STX5: variants seen among roughly 807,000 people sequenced by gnomAD.
STX5 encodes syntaxin 5.
STX5 carries 15 observed loss-of-function variants against 42.9 expected under a neutral mutation model. The ratio of observed to expected loss-of-function variants is 0.35; its 90% CI spans 0.23 to 0.54. The LOEUF (loss-of-function observed/expected upper bound fraction) is 0.54, where lower values mean the gene tolerates loss of function less well. Among genes scored for constraint, STX5 ranks in the 20% least tolerant of loss-of-function variants. The pLI, the probability that STX5 is intolerant of heterozygous loss-of-function variation, is 0.91. For missense variants in STX5, 430 were observed against 455.0 expected (o/e 0.95, Z 0.50); for synonymous variants, 184 against 173.2 (o/e 1.06, Z -0.49).
intron 10 of STX5, among the ~76,000 whole-genome samples, chr11:62,813,802 C>T (rs948385887): frequency 6.6e-5 from 10 of 152,112 alleles, no homozygotes; most frequent in East Asian, 1.9e-4. Context: ...AGATAAATGC[C>T]GCTCCACCCC....
chr11:62,827,525 C>G (rs1045988318), intron 3 of STX5, 36 bp downstream of exon 3: 1 of 1,614,016 alleles, frequency 6.2e-7, no homozygotes, highest in African/African-American at 1.3e-5. Flanking sequence ...TCTTCAGACA[C>G]TGTATCACCC....
chr11:62,810,688 C>T (rs2084608266), intron 10 of STX5, among the ~76,000 whole-genome samples: 1 of 152,134 alleles, frequency 6.6e-6, no homozygotes, highest in Non-Finnish European at 1.5e-5. Context: ...TAGGTTGGGG[C>T]CCAAGAATCT....
At chr11:62,820,906 T>G (rs1241274789) in intron 10 of STX5, among the ~76,000 whole-genome samples, 1 of 152,232 alleles carries the variant, frequency 6.6e-6, no homozygotes, top group Non-Finnish European at 1.5e-5. Flanking sequence ...TTCAATTTGG[T>G]TGCTGCTCTT....
At chr11:62,831,677 G>T (rs1229927048) in intron 1 of STX5, among the ~76,000 whole-genome samples, 1 of 152,086 alleles carries the variant, frequency 6.6e-6, no homozygotes, top group Non-Finnish European at 1.5e-5. Flanking sequence ...GTGGGCGGAG[G>T]GGGAAAACCT....
At chr11:62,817,385 T>C (rs2084685240) in intron 10 of STX5, among the ~76,000 whole-genome samples, 1 of 152,178 alleles carries the variant, frequency 6.6e-6, no homozygotes, top group Non-Finnish European at 1.5e-5. Context: ...CCTCCTATTA[T>C]ACCAATCATT....
chr11:62,821,459 T>A (rs1159330771), intron 10 of STX5, among the ~76,000 whole-genome samples: 1 of 152,162 alleles, frequency 6.6e-6, no homozygotes, highest in African/African-American at 2.4e-5. Flanking sequence ...GCGCAGTGGC[T>A]CACATCTGTA....
At chr11:62,809,601 G>A (rs965985186) in intron 10 of STX5, among the ~76,000 whole-genome samples, 3 of 143,992 alleles carry the variant, frequency 2.1e-5, no homozygotes, top group African/African-American at 7.7e-5. Context: ...GTGAACCTGG[G>A]AGGCAGAGCT....
At chr11:62,831,849 G>C (rs1043263209) in intron 1 of STX5, 105 bp downstream of exon 1, 1 of 453,870 alleles carries the variant, frequency 2.2e-6, no homozygotes, top group Non-Finnish European at 4.4e-6. Context: ...GGCAGGACTT[G>C]CCCGCTCGCC....
chr11:62,813,818 T>C (rs1590964263), intron 10 of STX5, among the ~76,000 whole-genome samples: 2 of 152,178 alleles, frequency 1.3e-5, no homozygotes, highest in African/African-American at 2.4e-5. Flanking sequence ...ACCCCGAGCA[T>C]TGCTACAATA....
At chr11:62,808,311 A>C (rs143645326) in intron 10 of STX5, among the ~76,000 whole-genome samples, 2,807 of 152,166 alleles carry the variant, frequency 0.018, 36 homozygotes, top group Non-Finnish European at 0.028. Context: ...CTACAGTCCC[A>C]GCTACTCGGG....
intron 5 of STX5, among the ~76,000 whole-genome samples, chr11:62,826,619 T>C (rs1294978822): frequency 6.6e-6 from 1 of 151,776 alleles, no homozygotes; most frequent in East Asian, 1.9e-4. Context: ...TCGAGTGCAG[T>C]GGCTCACACC....
rs778249365 is a variant in STX5 at position 62,807,465 on chromosome 11, G to A, written c.*4C>T. On this transcript the variant is annotated 3_prime_UTR_variant, in exon 11 of 11. Coordinates refer to ENST00000294179, the MANE Select transcript of STX5 (RefSeq NM_003164.5). Reference sequence around the variant, plus strand: ...CCAACAGAGTGCCTCAGAGTAGAGAGGGTTCAAGCAAGGAAGACCACAAAG... The same window carrying A: ...CCAACAGAGTGCCTCAGAGTAGAGAAGGTTCAAGCAAGGAAGACCACAAAG... The A allele has an allele frequency of 1.8e-5, 29 of 1,613,292 alleles. No homozygotes were observed. Among genetic ancestry groups the A allele is most frequent in the Admixed American group, 5.0e-5 (3 of 59,954 alleles).
chr11:62,829,685 G>A (rs1383614544), intron 2 of STX5, among the ~76,000 whole-genome samples: 1 of 151,920 alleles, frequency 6.6e-6, no homozygotes, highest in Admixed American at 6.6e-5. Context: ...GGTTGCTTGA[G>A]CCCAGGAGGT....
intron 10 of STX5, among the ~76,000 whole-genome samples, chr11:62,815,761 T>G (rs1462568877): frequency 1.3e-5 from 2 of 152,122 alleles, no homozygotes; most frequent in Non-Finnish European, 2.9e-5. Context: ...GGTCTCAAAC[T>G]CCTGACCTCA....
rs1028670557 is a variant in STX5 at position 62,832,014 on chromosome 11, C to G, written c.-80G>C. On this transcript the variant is annotated 5_prime_UTR_variant, in exon 1 of 11. Coordinates refer to ENST00000294179, the MANE Select transcript of STX5 (RefSeq NM_003164.5). ...ATCTCACCGGCCGTCACTGCCTCCT[C>G]CCCGAGCACTGAAGCCGCCGAAACC... is the stretch of plus-strand genomic sequence containing the variant. 4 of 474,014 alleles carry G rather than the reference C, an allele frequency of 8.4e-6. No individual in the cohort carries two copies. The highest frequency in any genetic ancestry group is 5.9e-5 in the African/African-American group (3 of 50,896). The allele number at this position is 474,014 out of a possible 1,614,324, so 29.4% of individuals were successfully genotyped here.
rs531517862 is a variant in STX5, at chr11:62,819,015, C to G, written c.908+5151G>C. On this transcript the variant is annotated intron_variant, in intron 10 of 10. Transcript: ENST00000294179. ...CAGGTGGATCACGAGGTCAGGAGAT[C>G]GAGACCATCCTGGCTAACACGGTGA... 8.3e-4 allele frequency among the ~76,000 whole-genome samples: 126 copies of G among 151,052 alleles called. No individual in the cohort carries two copies. In the South Asian group the frequency reaches 0.021, roughly 26 times the overall value.
At chr11:62,818,580 A>G (rs1324069488) in intron 10 of STX5, among the ~76,000 whole-genome samples, 3 of 151,206 alleles carry the variant, frequency 2.0e-5, no homozygotes, top group African/African-American at 7.3e-5. Flanking sequence ...AAAAAAAAAA[A>G]AGAATAAATC....
At chr11:62,828,208 G>A (rs949856069) in intron 2 of STX5, among the ~76,000 whole-genome samples, 1 of 151,860 alleles carries the variant, frequency 6.6e-6, no homozygotes, top group South Asian at 2.1e-4. Context: ...TCGACATCCT[G>A]GGCTCAAGTG....
intron 2 of STX5, among the ~76,000 whole-genome samples, chr11:62,828,746 T>TAAAAAC (rs141988478): frequency 6.8e-6 from 1 of 147,166 alleles, no homozygotes; most frequent in Non-Finnish European, 1.5e-5. Context: ...AATAAATAAA[T>TAAAAAC]AAACAAACAA....
Sources: allele counts gnomAD v4.1 joint callset (sites outside exome capture counted in the v4.1 genomes callset), GRCh38; gene constraint gnomAD v4.1.1; transcripts MANE v1.5; gene names NCBI Gene and HGNC (gene_info 2026-07-23, HGNC 2026-07-21).